Variants in PLD5 observed in about 807,000 individuals in gnomAD.
PLD5 encodes phospholipase D family member 5, also known as inactive phospholipase D5.
A neutral mutation model predicts 61.1 loss-of-function variants in PLD5; 36 were observed. That is an observed-to-expected ratio of 0.59 (90% CI 0.45 to 0.78). The LOEUF is 0.78. Among genes scored for constraint, PLD5 ranks in the 30% least tolerant of loss-of-function variants. PLD5 has a pLI of 0.00. For missense variants in PLD5, 515 were observed against 644.4 expected (o/e 0.80, Z 2.17); for synonymous variants, 243 against 242.8 (o/e 1.00, Z -0.01).
rs202146499 is a variant in PLD5, at chr1:242,207,850, A to C, written c.735+12138T>G. Among the ~76,000 whole-genome samples the C allele has an allele frequency of 1.1e-4, 3 of 26,728 alleles. 1 individual carries two copies. The highest frequency in any genetic ancestry group is 1.9e-4 in the Non-Finnish European group (3 of 16,008). The allele number at this position is 26,728 out of a possible 152,430, so 17.5% of individuals were successfully genotyped here. On this transcript the variant is annotated intron_variant, in intron 5 of 9. Transcript: ENST00000536534. ...TATATATATTTATATATTTATATAT[A>C]TTTATATATTTATATATTTATATAT...
At chr1:242,415,354 G>A (rs1285124650) in intron 1 of PLD5, among the ~76,000 whole-genome samples, 1 of 152,126 alleles carries the variant, frequency 6.6e-6, no homozygotes, top group East Asian at 1.9e-4. Flanking sequence ...CATCAGCAGA[G>A]GAGAGTAGAC....
intron 3 of PLD5, among the ~76,000 whole-genome samples, chr1:242,277,874 T>C (rs943304868): frequency 2.0e-5 from 3 of 152,080 alleles, no homozygotes; most frequent in Non-Finnish European, 4.4e-5. Context: ...TCTCAGCTAC[T>C]TGGCAGGCTG....
chr1:242,212,884 T>A (rs1669922159), intron 5 of PLD5, among the ~76,000 whole-genome samples: 1 of 152,218 alleles, frequency 6.6e-6, no homozygotes, highest in South Asian at 2.1e-4. Flanking sequence ...TCTTTCAAGA[T>A]CTGATTTGGG....
chr1:242,459,573 T>G (rs966207372), intron 1 of PLD5, among the ~76,000 whole-genome samples: 1 of 152,180 alleles, frequency 6.6e-6, no homozygotes, highest in African/African-American at 2.4e-5. Context: ...GGGGGAGACG[T>G]AGGGAGACCC....
intron 2 of PLD5, among the ~76,000 whole-genome samples, chr1:242,293,801 CCT>C (rs1297306776): frequency 3.9e-5 from 6 of 152,186 alleles, no homozygotes; most frequent in African/African-American, 1.4e-4. Context: ...TCACTCTCCT[CCT>C]CTTTCTTTAC....
chr1:242,203,618 C>T (rs1669132384), intron 5 of PLD5: 1 of 152,830 alleles, frequency 6.5e-6, no homozygotes, highest in South Asian at 2.1e-4. Context: ...ACTTCCTCCA[C>T]CTTGCTCCCT....
At chr1:242,496,069 G>T (rs144536995) in intron 1 of PLD5, among the ~76,000 whole-genome samples, 37 of 152,332 alleles carry the variant, frequency 2.4e-4, no homozygotes, top group Non-Finnish European at 4.7e-4. Context: ...GGCAAGGAAA[G>T]TGTATTTGTT....
chr1:242,199,510 C>T (rs1353133527), intron 5 of PLD5, among the ~76,000 whole-genome samples: 7 of 152,206 alleles, frequency 4.6e-5, no homozygotes. Context: ...CTGCCTCGGC[C>T]TCCCAAAGGT....
chr1:242,270,974 G>A (rs532804362), intron 3 of PLD5, among the ~76,000 whole-genome samples: 86 of 152,172 alleles, frequency 5.7e-4, no homozygotes, highest in African/African-American at 1.8e-3. Context: ...TGATACAGGC[G>A]ATACAGGCTC....
intron 5 of PLD5, among the ~76,000 whole-genome samples, chr1:242,153,659 T>C (rs1276384473): frequency 6.6e-6 from 1 of 152,036 alleles, no homozygotes; most frequent in African/African-American, 2.4e-5. Context: ...GATCAGAGGG[T>C]TGTAGATGTG....
intron 5 of PLD5, among the ~76,000 whole-genome samples, chr1:242,134,837 C>G (rs1298072442): frequency 6.6e-6 from 1 of 152,176 alleles, no homozygotes; most frequent in Non-Finnish European, 1.5e-5. Flanking sequence ...CATTGGTTCT[C>G]ATAGCTTCCC....
rs1305708245 is a variant in PLD5, at chr1:242,174,501, G to A, written c.735+45487C>T. ...TGGAAGTCAGTGTGGCGATTCCTCA[G>A]GGATCTAGAACTAGAAATACCATTT... On this transcript the variant is annotated intron_variant, in intron 5 of 9. Transcript: ENST00000536534. Among the ~76,000 whole-genome samples the A allele has an allele frequency of 7.9e-5, 12 of 152,148 alleles. No homozygotes were observed. In the South Asian group the frequency reaches 1.9e-3, roughly 24 times the overall value.
In PLD5 at chr1:242,346,918, G is replaced by C. The variant is rs56179255; in HGVS notation, c.326+1188C>G. Among the ~76,000 whole-genome samples the C allele has an allele frequency of 2.4e-3, 365 of 152,264 alleles. 3 individuals are homozygous for C. The highest frequency in any genetic ancestry group is 8.4e-3 in the African/African-American group (350 of 41,550). On this transcript the variant is annotated intron_variant, in intron 2 of 9. Transcript: ENST00000536534. The stretch of plus-strand genomic sequence containing the variant: ...CAGAACATGCAGTATTTGGTTTTCT[G>C]CTCCTGCATTAGCTTGCTAAGGATA...
chr1:242,214,607 A>T (rs1268145786), intron 5 of PLD5, among the ~76,000 whole-genome samples: 1 of 152,140 alleles, frequency 6.6e-6, no homozygotes, highest in East Asian at 1.9e-4. Flanking sequence ...AACACTGGAG[A>T]AACTTATCTA....
intron 6 of PLD5, among the ~76,000 whole-genome samples, chr1:242,119,908 A>C (rs1179348978): frequency 3.3e-5 from 5 of 152,212 alleles, no homozygotes; most frequent in Non-Finnish European, 2.9e-5. Flanking sequence ...ATAGCCAAGA[A>C]ATAGTAGTAG....
chr1:242,351,686 T>C (rs1319938096), intron 1 of PLD5, among the ~76,000 whole-genome samples: 1 of 152,204 alleles, frequency 6.6e-6, no homozygotes, highest in Non-Finnish European at 1.5e-5. Context: ...AACAGACTAA[T>C]ACAGCATCCT....
chr1:242,192,936 T>C (rs1459806166), intron 5 of PLD5, among the ~76,000 whole-genome samples: 1 of 151,900 alleles, frequency 6.6e-6, no homozygotes, highest in Non-Finnish European at 1.5e-5. Flanking sequence ...CGTATTCTTC[T>C]TGGAATTCTC....
chr1:242,437,172 A>C (rs1413246821), intron 1 of PLD5, among the ~76,000 whole-genome samples: 2 of 152,202 alleles, frequency 1.3e-5, no homozygotes, highest in Non-Finnish European at 2.9e-5. Context: ...AAAATAGCAC[A>C]ATTAGCTGGC....
At chr1:242,430,422 G>A (rs1665654821) in intron 1 of PLD5, among the ~76,000 whole-genome samples, 1 of 152,006 alleles carries the variant, frequency 6.6e-6, no homozygotes, top group Admixed American at 6.6e-5. Context: ...CATCTTGGGG[G>A]CCCCACCCTC....
Sources: gnomAD v4.1 joint callset for allele counts (sites outside exome capture counted in the v4.1 genomes callset) on GRCh38, gnomAD v4.1.1 for gene constraint, MANE v1.5 for transcripts, NCBI Gene and HGNC (gene_info 2026-07-23, HGNC 2026-07-21) for gene names.